WNT2B: variants seen among roughly 807,000 people sequenced by gnomAD.
WNT2B encodes Wnt family member 2B.
In WNT2B, 19 loss-of-function variants were observed where a neutral mutation model predicts 40.5. That is an observed-to-expected ratio of 0.47 (90% CI 0.33 to 0.69). WNT2B has a LOEUF of 0.69. Among genes scored for constraint, WNT2B ranks in the 30% least tolerant of loss-of-function variants. The probability of loss-of-function intolerance (pLI) is 0.02; values close to 1 mark genes in which losing one functional copy is unlikely to be tolerated. For missense variants in WNT2B, 467 were observed against 556.4 expected, an observed-to-expected ratio of 0.84 and a Z score of 1.62; for synonymous variants, 220 against 211.9, an observed-to-expected ratio of 1.04 and a Z score of -0.33.
intron 1 of WNT2B, among the ~76,000 whole-genome samples, chr1:112,487,984 T>C (rs1003940028): frequency 3.2e-5 from 4 of 123,184 alleles, no homozygotes; most frequent in Non-Finnish European, 5.2e-5. Flanking sequence ...AGACGACTCA[T>C]ATAAAAAATT....
At chr1:112,473,336 G>A (rs1417348389) in intron 1 of WNT2B, among the ~76,000 whole-genome samples, 2 of 151,962 alleles carry the variant, frequency 1.3e-5, no homozygotes, top group African/African-American at 4.8e-5. Flanking sequence ...TATTATAACT[G>A]TACTGTATAT....
At chr1:112,469,161 A>G (rs1423879191) in intron 1 of WNT2B, among the ~76,000 whole-genome samples, 1 of 152,168 alleles carries the variant, frequency 6.6e-6, no homozygotes, top group African/African-American at 2.4e-5. Flanking sequence ...CCATTGGTCT[A>G]TGTGTCTGCT....
chr1:112,525,807 T>G lies in WNT2B; in HGVS notation c.*5298T>G. The stretch of plus-strand genomic sequence containing the variant: ...GAATGAAGAAAAAAGGAAGACAATT[T>G]CATCTACAGTTGTCCTTTTTGACAG... On this transcript the variant is annotated 3_prime_UTR_variant, in exon 5 of 5. Coordinates refer to ENST00000369684, the MANE Select transcript of WNT2B (RefSeq NM_024494.3). 1.7e-6 allele frequency: 1 copy of G among 572,592 alleles called. No individual in the cohort carries two copies. The highest frequency in any genetic ancestry group is 3.2e-5 in the East Asian group (1 of 31,418). The allele number at this position is 572,592 out of a possible 1,614,324, so 35.5% of individuals were successfully genotyped here. A position where few individuals can be genotyped will look rare whatever the true frequency, so the allele number is the denominator to read the frequency against.
chr1:112,514,504 G>GT (rs1263638071), intron 1 of WNT2B, among the ~76,000 whole-genome samples: 1 of 152,150 alleles, frequency 6.6e-6, no homozygotes, highest in East Asian at 1.9e-4. Context: ...TATTTTGTTA[G>GT]TTTATGTTTC....
intron 1 of WNT2B, among the ~76,000 whole-genome samples, chr1:112,479,296 G>A (rs1651148230): frequency 6.6e-6 from 1 of 152,032 alleles, no homozygotes; most frequent in Admixed American, 6.6e-5. Context: ...TGCAGGGGCT[G>A]GGCGTGGGGG....
Position 112,519,931 on chromosome 1 carries a change from T to C in WNT2B, c.947-349T>C, listed in dbSNP as rs191824064. On this transcript the variant is annotated intron_variant, in intron 4 of 4. Transcript: ENST00000369684. Reference sequence around the variant, plus strand: ...CACTGTCACCCAGGCTAGAGTGCAGTGGTGCAATCTTGGCTCACTGCAGCC... The same window carrying C: ...CACTGTCACCCAGGCTAGAGTGCAGCGGTGCAATCTTGGCTCACTGCAGCC... Among the ~76,000 whole-genome samples, 4 of 145,684 alleles carry C rather than the reference T, an allele frequency of 2.7e-5. No homozygotes were observed. The East Asian group carries it at 8.3e-4, about 30-fold the overall frequency.
intron 1 of WNT2B, among the ~76,000 whole-genome samples, chr1:112,490,380 T>C (rs1651558533): frequency 1.3e-5 from 2 of 152,228 alleles, no homozygotes; most frequent in African/African-American, 4.8e-5. Flanking sequence ...TTAGGGATTC[T>C]GTTTTCAATG....
At chr1:112,495,419 T>TA (rs1179270690) in intron 1 of WNT2B, among the ~76,000 whole-genome samples, 1 of 150,890 alleles carries the variant, frequency 6.6e-6, no homozygotes, top group African/African-American at 2.4e-5. Flanking sequence ...CTACTAAAAA[T>TA]ACAAAAAAAA....
At chr1:112,473,078 A>T (rs1650935110) in intron 1 of WNT2B, among the ~76,000 whole-genome samples, 1 of 147,716 alleles carries the variant, frequency 6.8e-6, no homozygotes, top group Non-Finnish European at 1.5e-5. Flanking sequence ...AGAAAAAGAA[A>T]GAAAGAAACA....
chr1:112,483,464 C>T (rs1651293775), intron 1 of WNT2B, among the ~76,000 whole-genome samples: 1 of 151,966 alleles, frequency 6.6e-6, no homozygotes, highest in Admixed American at 6.6e-5. Context: ...ACACTATATA[C>T]AAAAATCAAC....
chr1:112,509,533 C>A lies in WNT2B; in HGVS notation c.182+89C>A. The A allele has an allele frequency of 7.1e-7, 1 of 1,409,474 alleles. No individual in the cohort carries two copies. Among genetic ancestry groups the A allele is most frequent in the Non-Finnish European group, 9.3e-7 (1 of 1,073,898 alleles). 87.3% of individuals were successfully genotyped at this position (1,409,474 alleles called of 1,614,324 possible). On this transcript the variant is annotated intron_variant, in intron 1 of 4. Coordinates refer to ENST00000369684, the MANE Select transcript of WNT2B (RefSeq NM_024494.3). The surrounding 1 kb of genome is among the most constrained non-coding windows in gnomAD (Gnocchi z 4.2). ...GGGACTGGCTGCTCACGGGACCAGG[C>A]TGTTGCTTCGACGGGTTGGAGACGA...
At chr1:112,480,774 T>A (rs914868710) in intron 1 of WNT2B, among the ~76,000 whole-genome samples, 1 of 152,160 alleles carries the variant, frequency 6.6e-6, no homozygotes, top group East Asian at 1.9e-4. Context: ...ACAAAGATAC[T>A]CCGAGAAAAG....
chr1:112,480,475 A>G (rs765921464), intron 1 of WNT2B, among the ~76,000 whole-genome samples: 1 of 152,078 alleles, frequency 6.6e-6, no homozygotes, highest in African/African-American at 2.4e-5. Context: ...AACAAACAGG[A>G]TCACCTAGAA....
At chr1:112,513,545 G>A (rs1273666259) in intron 1 of WNT2B, among the ~76,000 whole-genome samples, 1 of 151,698 alleles carries the variant, frequency 6.6e-6, no homozygotes, top group Non-Finnish European at 1.5e-5. Context: ...TGGGAATGCA[G>A]GGGGGTGGTG....
upstream of WNT2B, among the ~76,000 whole-genome samples, chr1:112,504,108 GT>G (rs3838412): frequency 0.78 from 119,108 of 152,014 alleles, 46,849 homozygotes; most frequent in South Asian, 0.86. Context: ...AGGCTGGTCA[GT>G]TGACCACCCA....
At chr1:112,484,711 C>T (rs1651360573) in intron 1 of WNT2B, among the ~76,000 whole-genome samples, 1 of 150,532 alleles carries the variant, frequency 6.6e-6, no homozygotes, top group Non-Finnish European at 1.5e-5. Context: ...GCTGCAACTC[C>T]AGCCTGGGTG....
Position 112,515,677 on chromosome 1 carries a change from C to T in WNT2B, c.404-463C>T, listed in dbSNP as rs1165374575. ...TCCAAGAGCAGGGAGGGAGAGCAAG[C>T]AGGCAAGGGAGGGTAGCATGGATCT... On this transcript the variant is annotated intron_variant, in intron 2 of 4. Coordinates refer to ENST00000369684, the MANE Select transcript of WNT2B (RefSeq NM_024494.3). This position sits in a 1 kb window ranked among gnomAD's most constrained non-coding sequence, Gnocchi z 4.4. Among the ~76,000 whole-genome samples the T allele has an allele frequency of 6.6e-6, 1 of 152,174 alleles. No individual in the cohort carries two copies. Among genetic ancestry groups the T allele is most frequent in the Non-Finnish European group, 1.5e-5 (1 of 68,024 alleles).
intron 1 of WNT2B, among the ~76,000 whole-genome samples, chr1:112,469,643 G>A (rs927205120): frequency 2.7e-5 from 4 of 149,142 alleles, no homozygotes; most frequent in Admixed American, 6.7e-5. Flanking sequence ...TTTTTGAGAC[G>A]GAGCTCTGTC....
At chr1:112,480,365 CAAAAAAA>C (rs10709816) in intron 1 of WNT2B, among the ~76,000 whole-genome samples, 3 of 91,694 alleles carry the variant, frequency 3.3e-5, no homozygotes, top group Admixed American at 1.1e-4. Flanking sequence ...GACTCCGTCT[CAAAAAAA>C]AAAAAAAAAA....
Sources: allele counts gnomAD v4.1 joint callset (sites outside exome capture counted in the v4.1 genomes callset), GRCh38; gene constraint gnomAD v4.1.1; non-coding constraint Gnocchi (gnomAD v3.1); transcripts MANE v1.5; gene names NCBI Gene and HGNC (gene_info 2026-07-23, HGNC 2026-07-21).